The following AKAP13 variants were observed in gnomAD, a reference collection of about 807,000 sequenced individuals.
The protein encoded by AKAP13 is A-kinase anchoring protein 13.
In AKAP13, 80 loss-of-function variants were observed where a neutral mutation model predicts 264.5. That is an observed-to-expected ratio of 0.30 (90% confidence interval 0.25 to 0.36). The LOEUF (loss-of-function observed/expected upper bound fraction) is 0.36. AKAP13 is among the 10% of genes least tolerant of loss of function. The pLI is 1.00. For synonymous variants in AKAP13, 1,380 were observed against 1,250.2 expected (o/e 1.10, Z -2.19); for missense variants, 3,712 against 3,435.2 (o/e 1.08, Z -2.01).
intron 8 of AKAP13, among the ~76,000 whole-genome samples, chr15:85,631,180 C>T (rs2081780465): frequency 6.6e-6 from 1 of 152,078 alleles, no homozygotes; most frequent in Non-Finnish European, 1.5e-5. Context: ...GCATGAAAGA[C>T]CAAATAATGT....
At chr15:85,416,722 C>G (rs1322849326) in intron 1 of AKAP13, among the ~76,000 whole-genome samples, 1 of 152,144 alleles carries the variant, frequency 6.6e-6, no homozygotes, top group Non-Finnish European at 1.5e-5. Flanking sequence ...GTGTTAAGGT[C>G]AGAATTCTGC....
At chr15:85,590,572 A>G (rs2079542676) in intron 8 of AKAP13, among the ~76,000 whole-genome samples, 1 of 152,240 alleles carries the variant, frequency 6.6e-6, no homozygotes, top group South Asian at 2.1e-4. Flanking sequence ...TCTCAGAGAA[A>G]ACACAGGTAT....
At chr15:85,592,929 GTTAT>G (rs2079645279) in intron 8 of AKAP13, among the ~76,000 whole-genome samples, 1 of 152,090 alleles carries the variant, frequency 6.6e-6, no homozygotes, top group African/African-American at 2.4e-5. Flanking sequence ...CCTTAAGCAA[GTTAT>G]TTAATTTCTC....
intron 1 of AKAP13, among the ~76,000 whole-genome samples, chr15:85,472,341 TA>T (rs770466257): frequency 2.2e-3 from 296 of 132,984 alleles, no homozygotes; most frequent in Middle Eastern, 7.5e-3. Flanking sequence ...ACCCATCTCT[TA>T]AAAAAAAAAA....
intron 10 of AKAP13, among the ~76,000 whole-genome samples, chr15:85,654,927 C>A (rs1388754680): frequency 6.6e-6 from 1 of 152,178 alleles, no homozygotes; most frequent in Admixed American, 6.5e-5. Context: ...CGCAGTGGCT[C>A]ACGCCTGTAA....
At chr15:85,666,188 T>G (rs1174511719) in intron 13 of AKAP13, among the ~76,000 whole-genome samples, 1 of 152,216 alleles carries the variant, frequency 6.6e-6, no homozygotes, top group Non-Finnish European at 1.5e-5. Context: ...CCAGCATCTG[T>G]TGTTTGCTGA....
At chr15:85,468,586 A>G (rs2074839976) in intron 1 of AKAP13, among the ~76,000 whole-genome samples, 2 of 152,224 alleles carry the variant, frequency 1.3e-5, no homozygotes, top group South Asian at 4.1e-4. Flanking sequence ...GTTCTGTTGT[A>G]TCACTTTCAG....
intron 8 of AKAP13, among the ~76,000 whole-genome samples, chr15:85,602,716 C>T (rs1410603840): frequency 6.6e-6 from 1 of 152,094 alleles, no homozygotes; most frequent in African/African-American, 2.4e-5. Flanking sequence ...TCTTGAACTC[C>T]TGACCTAGTG....
intron 8 of AKAP13, chr15:85,619,278 C>T (rs907804126): frequency 1.8e-5 from 14 of 770,070 alleles, no homozygotes; most frequent in Admixed American, 1.3e-4. Flanking sequence ...GCTGCGGGTG[C>T]GGAGCTGAAA....
chr15:85,643,019 TG>T (rs1247389877), intron 9 of AKAP13, among the ~76,000 whole-genome samples: 1 of 121,558 alleles, frequency 8.2e-6, no homozygotes. Context: ...CTAGGAAACG[TG>T]AAAAAAAAAA....
At chr15:85,668,238 T>A (rs1434534033) in intron 13 of AKAP13, among the ~76,000 whole-genome samples, 1 of 152,252 alleles carries the variant, frequency 6.6e-6, no homozygotes, top group African/African-American at 2.4e-5. Flanking sequence ...ATCAGAAGTC[T>A]GGCCTAAGTG....
chr15:85,406,193 C>G (rs567093438), intron 1 of AKAP13, among the ~76,000 whole-genome samples: 1 of 152,232 alleles, frequency 6.6e-6, no homozygotes, highest in South Asian at 2.1e-4. Flanking sequence ...GATAAATAAA[C>G]TATTTCTCTG....
rs954519745 is a variant in AKAP13, at chr15:85,745,494, T to G, written c.*817T>G. 1 of 152,088 alleles carries G rather than the reference T, an allele frequency of 6.6e-6. No individual in the cohort carries two copies. Among genetic ancestry groups the G allele is most frequent in the Non-Finnish European group, 1.5e-5 (1 of 67,914 alleles). 9.4% of individuals were successfully genotyped at this position (152,088 alleles called of 1,614,324 possible). ...TGGTTTTCCAGCATGTTTACCCACATGTTTTGGCCATGGATAAAGTGAAGA... is the reference window on the plus strand; with the variant it reads ...TGGTTTTCCAGCATGTTTACCCACAGGTTTTGGCCATGGATAAAGTGAAGA... On this transcript the variant is annotated 3_prime_UTR_variant, in exon 37 of 37. Coordinates refer to ENST00000394518, the MANE Select transcript of AKAP13 (RefSeq NM_007200.5).
chr15:85,730,997 C>CTTTTTTTTT (rs71468134), intron 30 of AKAP13, among the ~76,000 whole-genome samples: 30 of 57,422 alleles, frequency 5.2e-4, no homozygotes, highest in African/African-American at 6.1e-4. Context: ...GTCACTTATG[C>CTTTTTTTTT]TTTTTTTTTT....
In AKAP13 at chr15:85,748,038, C is replaced by T. The variant is rs3169119; in HGVS notation, c.*3361C>T. 24,189 of 152,222 alleles carry T rather than the reference C, an allele frequency of 0.16. 2,411 individuals carry two copies. Among genetic ancestry groups the T allele is most frequent in the Non-Finnish European group, 0.23 (15,876 of 67,972 alleles). The allele number at this position is 152,222 out of a possible 1,614,324, so 9.4% of individuals were successfully genotyped here. A position where few individuals can be genotyped will look rare whatever the true frequency, so the allele number is the denominator to read the frequency against. On this transcript the variant is annotated 3_prime_UTR_variant, in exon 37 of 37. Transcript: ENST00000394518. ...GCCTTAGTAGAGGGTGGGACTATAA[C>T]CTTAGAGGCCAGAACTTGATCCAGA...
intron 2 of AKAP13, among the ~76,000 whole-genome samples, chr15:85,520,918 C>T (rs2151153787): frequency 6.6e-6 from 1 of 152,380 alleles, no homozygotes; most frequent in East Asian, 1.9e-4. Context: ...GCACTCTACC[C>T]TTTCCAGGCA....
At chr15:85,386,162 C>G (rs571079677) in intron 1 of AKAP13, among the ~76,000 whole-genome samples, 1 of 152,050 alleles carries the variant, frequency 6.6e-6, no homozygotes, top group South Asian at 2.1e-4. Context: ...AGCAGAAGTT[C>G]TTAATTTTTA....
At chr15:85,603,616 G>C (rs1428729198) in intron 8 of AKAP13, among the ~76,000 whole-genome samples, 1 of 152,184 alleles carries the variant, frequency 6.6e-6, no homozygotes, top group Admixed American at 6.5e-5. Flanking sequence ...AAGATTACTT[G>C]TACAGTCCCA....
At chr15:85,576,307 A>C (rs1030291134) in intron 6 of AKAP13, among the ~76,000 whole-genome samples, 1 of 152,220 alleles carries the variant, frequency 6.6e-6, no homozygotes, top group African/African-American at 2.4e-5. Flanking sequence ...TATTTTTACA[A>C]CTATTTTAGT....
Sources: allele counts gnomAD v4.1 joint callset (sites outside exome capture counted in the v4.1 genomes callset), GRCh38; gene constraint gnomAD v4.1.1; transcripts MANE v1.5; gene names NCBI Gene and HGNC (gene_info 2026-07-23, HGNC 2026-07-21).